Variants in TRPM5 observed in about 807,000 individuals in gnomAD.
TRPM5 encodes the protein MLSN1 and TRP-related.
In TRPM5, 121 loss-of-function variants were observed where a neutral mutation model predicts 124.9. The observed-to-expected ratio is 0.97, with a 90% CI of 0.84 to 1.13. The LOEUF (loss-of-function observed/expected upper bound fraction) is 1.13. TRPM5 is among the 50% of genes most tolerant of loss of function. The probability of loss-of-function intolerance (pLI) is 0.00; values close to 1 mark genes in which losing one functional copy is unlikely to be tolerated. For missense variants in TRPM5, 1,643 were observed against 1,589.1 expected (o/e 1.03, Z -0.58); for synonymous variants, 781 against 700.5 (o/e 1.11, Z -1.81).
intron 13 of TRPM5, 32 bp from the exon 19 acceptor site, chr11:2,413,258 G>T (rs1850491580): frequency 2.0e-6 from 3 of 1,505,766 alleles, no homozygotes; most frequent in Non-Finnish European, 1.8e-6. Context: ...GGGCCCGCAG[G>T]AAGGGCTCCC....
At chr11:2,428,003 G>A (rs538765657), upstream of TRPM5, among the ~76,000 whole-genome samples, 31 of 152,314 alleles carry the variant, frequency 2.0e-4, no homozygotes, top group South Asian at 5.4e-3. This position sits in a 1 kb window ranked among gnomAD's most constrained non-coding sequence, Gnocchi z 4.0. Context: ...TCCATTCACC[G>A]GTCAGCACCA....
At chr11:2,412,345 G>GGGTTCAGCGTGCCATGGGGATCAT in intron 15 of TRPM5, 92 bp from the exon 21 acceptor site, 2 of 999,980 alleles carry the variant, frequency 2.0e-6, no homozygotes, top group Admixed American at 1.8e-5. Context: ...GTAAGGATCA[G>GGGTTCAGCGTGCCATGGGGATCAT]GGTTCCATCT....
chr11:2,404,700 A>G (rs1242458939), exon 24 of TRPM5: 76 of 531,224 alleles, frequency 1.4e-4, no homozygotes, highest in Non-Finnish European at 1.3e-4. Flanking sequence ...CTGCCCGGGG[A>G]GTTGTGCCTG....
At chr11:2,415,357 G>T in exon 9 of TRPM5, 1 of 1,586,640 alleles carries the variant, frequency 6.3e-7, no homozygotes, top group Non-Finnish European at 8.5e-7. Flanking sequence ...AGCTCCTGCA[G>T]CCGCCCATAC....
At chr11:2,407,330 C>A in intron 19 of TRPM5, 30 bp from the exon 25 acceptor site, 1 of 1,588,286 alleles carries the variant, frequency 6.3e-7, no homozygotes, top group Non-Finnish European at 8.5e-7. Flanking sequence ...CCGTCACCTA[C>A]CGGCTCCCCA....
the TRPM5 span, among the ~76,000 whole-genome samples, chr11:2,433,925 CTG>C: frequency 4.0e-5 from 6 of 151,862 alleles, no homozygotes; most frequent in African/African-American, 1.2e-4. Flanking sequence ...TTGTGTGTGG[CTG>C]TGTGTGGACA....
intron 15 of TRPM5, 115 bp downstream of exon 20, chr11:2,412,639 A>G: frequency 1.0e-5 from 12 of 1,161,332 alleles, no homozygotes; most frequent in Non-Finnish European, 1.4e-5. Flanking sequence ...GGAGGCCCCC[A>G]TGCTGTTCTT....
rs1005050441 is a variant in TRPM5, at chr11:2,410,612, C to A, written c.2782+740G>T. ...GTCCCTGCCCCACCCCAGAGCTCCC[C>A]ACCAACCCATCACTACAGAGGCCCC... On this transcript the variant is annotated intron_variant, in intron 18 of 23. Coordinates refer to ENST00000155858, the Ensembl canonical transcript of TRPM5. The A allele has an allele frequency of 1.8e-5, 8 of 445,856 alleles. No homozygotes were observed. The Admixed American group carries it at 1.9e-4, about 11-fold the overall frequency. The allele number at this position is 445,856 out of a possible 1,614,324, so 27.6% of individuals were successfully genotyped here.
intron 4 of TRPM5, among the ~76,000 whole-genome samples, chr11:2,419,835 C>T (rs559318034): frequency 4.6e-5 from 7 of 152,344 alleles, no homozygotes; most frequent in South Asian, 4.1e-4. Context: ...TGCCCTCTGG[C>T]GGCAGCATAC....
the TRPM5 span, among the ~76,000 whole-genome samples, chr11:2,443,124 T>C: frequency 6.6e-6 from 1 of 152,266 alleles, no homozygotes; most frequent in African/African-American, 2.4e-5. This position sits in a 1 kb window ranked among gnomAD's most constrained non-coding sequence, Gnocchi z 5.0. Context: ...TCTTGAGGAA[T>C]TGACCTGTAC....
chr11:2,440,093 C>T, the TRPM5 span, among the ~76,000 whole-genome samples: 1 of 152,144 alleles, frequency 6.6e-6, no homozygotes, highest in Non-Finnish European at 1.5e-5. This position sits in a 1 kb window ranked among gnomAD's most constrained non-coding sequence, Gnocchi z 5.2. Flanking sequence ...AAACCAAATA[C>T]CACATGTTCT....
chr11:2,433,830 G>C, the TRPM5 span, among the ~76,000 whole-genome samples: 1 of 152,244 alleles, frequency 6.6e-6, no homozygotes, highest in Non-Finnish European at 1.5e-5. Flanking sequence ...TGGATGTTGT[G>C]TGTGTGTAGC....
rs757134549 is a variant in TRPM5, at chr11:2,422,134, G to T, written c.298+7C>A. 7 of 1,592,866 alleles carry T rather than the reference G, an allele frequency of 4.4e-6. No homozygotes were observed. The highest frequency in any genetic ancestry group is 2.7e-5 in the African/African-American group (2 of 74,204). On this transcript the variant is annotated splice_region_variant and intron_variant, in intron 2 of 23. Coordinates refer to ENST00000155858, the Ensembl canonical transcript of TRPM5. Reference sequence around the variant, plus strand: ...GGGAGCGCTGCCTGTGCCGGGTGGGGCCTCACCTGTGCTCTGAGCCGCCTT... The same window carrying T: ...GGGAGCGCTGCCTGTGCCGGGTGGGTCCTCACCTGTGCTCTGAGCCGCCTT...
At chr11:2,432,049 G>A in the TRPM5 span, among the ~76,000 whole-genome samples, 2 of 152,232 alleles carry the variant, frequency 1.3e-5, no homozygotes, top group Non-Finnish European at 2.9e-5. Flanking sequence ...TCTAGGGGAG[G>A]CTGCATTTTT....
At chr11:2,422,266 G>A in exon 2 of TRPM5, 2 of 1,612,448 alleles carry the variant, frequency 1.2e-6, no homozygotes, top group Non-Finnish European at 1.7e-6. Context: ...GTGCCACTCA[G>A]CAAGCAGCAG....
At chr11:2,410,039 C>T (rs1329210267) in intron 18 of TRPM5, among the ~76,000 whole-genome samples, 1 of 152,216 alleles carries the variant, frequency 6.6e-6, no homozygotes, top group Non-Finnish European at 1.5e-5. Flanking sequence ...TAGAGCTCCT[C>T]CTGCCCCGAG....
chr11:2,431,610 T>C, the TRPM5 span, among the ~76,000 whole-genome samples: 2 of 152,110 alleles, frequency 1.3e-5, no homozygotes, highest in Non-Finnish European at 2.9e-5. Flanking sequence ...TGGCTCCCTA[T>C]TACCCTGACA....
exon 6 of TRPM5, chr11:2,418,241 C>A (rs1845713887): frequency 6.3e-7 from 1 of 1,586,554 alleles, no homozygotes; most frequent in East Asian, 2.3e-5. Context: ...TGCTTCTCGG[C>A]CACCTTGGGC....
the TRPM5 span, among the ~76,000 whole-genome samples, chr11:2,433,902 G>A: frequency 1.3e-5 from 2 of 152,028 alleles, no homozygotes; most frequent in Admixed American, 1.3e-4. Flanking sequence ...CTGTATATGA[G>A]TGTATGTAGA....
Sources: gnomAD v4.1 joint callset for allele counts (sites outside exome capture counted in the v4.1 genomes callset) on GRCh38, gnomAD v4.1.1 for gene constraint, Gnocchi (gnomAD v3.1) non-coding constraint, MANE v1.5 for transcripts, NCBI Gene and HGNC (gene_info 2026-07-23, HGNC 2026-07-21) for gene names.